The following SLC26A8 variants were observed in gnomAD, a reference collection of about 807,000 sequenced individuals.
SLC26A8 encodes solute carrier family 26 member 8, also known as testis anion transporter 1.
In SLC26A8, 70 loss-of-function variants were observed where a neutral mutation model predicts 105.0. The ratio of observed to expected loss-of-function variants is 0.67; its 90% CI spans 0.55 to 0.81. SLC26A8 has a LOEUF of 0.81. SLC26A8 is among the 40% of genes least tolerant of loss of function. The pLI, the probability that SLC26A8 is intolerant of heterozygous loss-of-function variation, is 0.00. For missense variants in SLC26A8, 998 were observed against 1,181.8 expected (o/e 0.84, Z 2.28); for synonymous variants, 415 against 438.3 (o/e 0.95, Z 0.66).
chr6:35,945,198 A>G (rs1036314826), intron 19 of SLC26A8, among the ~76,000 whole-genome samples: 16 of 152,164 alleles, frequency 1.1e-4, no homozygotes, highest in Admixed American at 4.6e-4. Context: ...TAAAATGCCA[A>G]TGACATCATC....
chr6:35,991,057 C>A (rs1215838633), intron 7 of SLC26A8, among the ~76,000 whole-genome samples: 1 of 152,014 alleles, frequency 6.6e-6, no homozygotes, highest in Non-Finnish European at 1.5e-5. Context: ...TAAATGTTCT[C>A]ACAACAAAAA....
chr6:35,975,388 C>T lies in SLC26A8; in HGVS notation c.1274G>A (p.Gly425Glu), dbSNP rs759754981. Residue 425 changes from glycine to glutamate, a missense_variant, in exon 10 of 20, where the codon GGA (glycine) becomes GAA (glutamate). Transcript: ENST00000490799. ...ATTTCAACATACCTGTTGTCTTCCT[C>T]CAGATTTATCCTGGATAATAGTCCT... ...IARTIIQDKS[G>E]GRQQFASLVG... 6.2e-7 allele frequency: 1 copy of T among 1,602,226 alleles called. No homozygotes were observed. The highest frequency in any genetic ancestry group is 1.7e-5 in the Admixed American group (1 of 58,402).
At chr6:36,007,806 T>G (rs1257544614) in intron 3 of SLC26A8, among the ~76,000 whole-genome samples, 4 of 152,032 alleles carry the variant, frequency 2.6e-5, no homozygotes, top group African/African-American at 9.7e-5. Flanking sequence ...CAAAAACAAT[T>G]CACTGGAGGA....
intron 11 of SLC26A8, among the ~76,000 whole-genome samples, chr6:35,967,769 A>AT (rs1159156723): frequency 6.6e-6 from 1 of 152,186 alleles, no homozygotes; most frequent in East Asian, 1.9e-4. Flanking sequence ...TATTTTGGTC[A>AT]TTTTTCACTG....
At chr6:35,948,069 A>G (rs1233132959) in intron 19 of SLC26A8, among the ~76,000 whole-genome samples, 1 of 152,242 alleles carries the variant, frequency 6.6e-6, no homozygotes, top group East Asian at 1.9e-4. Context: ...AGAAGAATGA[A>G]TACTATAAAG....
At position 35,997,816 on chromosome 6, in the gene SLC26A8, C is replaced by T. The variant is rs1221294843; in HGVS notation, c.549G>A (p.Ser183=). ...VMGSFVKNEF[S]APSYLMGYNK... is the part of the protein sequence containing the mutation. ...TATAGCCCATAAGGTAGGAGGGGGCCGAAAACTCATTCTTGACGAAAGATC... is the reference window on the plus strand; with the variant it reads ...TATAGCCCATAAGGTAGGAGGGGGCTGAAAACTCATTCTTGACGAAAGATC... Residue 183 remains serine, a synonymous_variant, in exon 5 of 20, where the codon TCG becomes TCA. Coordinates refer to ENST00000490799, the MANE Select transcript of SLC26A8 (RefSeq NM_052961.4). 3.7e-6 allele frequency: 6 copies of T among 1,613,910 alleles called. No individual in the cohort carries two copies. In the African/African-American group the frequency reaches 5.3e-5, roughly 14 times the overall value.
intron 7 of SLC26A8, among the ~76,000 whole-genome samples, chr6:35,983,072 C>G (rs1306743144): frequency 6.6e-6 from 1 of 152,200 alleles, no homozygotes; most frequent in Non-Finnish European, 1.5e-5. Context: ...CCCATTCTTC[C>G]TACTAACACA....
rs900452700 is a variant in SLC26A8 at position 36,024,602 on chromosome 6, G to A, written c.-101C>T. On this transcript the variant is annotated 5_prime_UTR_variant, in exon 1 of 20. Transcript: ENST00000490799. Reference sequence around the variant, plus strand: ...GACGCGGATACCGGCGGCGGTTCCCGAGCCGTTGTGGCCTAGCCCGCGGGC... The same window carrying A: ...GACGCGGATACCGGCGGCGGTTCCCAAGCCGTTGTGGCCTAGCCCGCGGGC... 2.7e-6 allele frequency: 1 copy of A among 373,600 alleles called. No individual in the cohort carries two copies. The highest frequency in any genetic ancestry group is 2.0e-5 in the South Asian group (1 of 50,456). 23.1% of individuals were successfully genotyped at this position (373,600 alleles called of 1,614,324 possible). A position where few individuals can be genotyped will look rare whatever the true frequency, so the allele number is the denominator to read the frequency against.
intron 2 of SLC26A8, among the ~76,000 whole-genome samples, chr6:36,017,483 T>C (rs1002254306): frequency 3.1e-4 from 47 of 152,028 alleles, no homozygotes; most frequent in African/African-American, 9.9e-4. Context: ...AATACAAAAA[T>C]TAGCTGGGCG....
intron 8 of SLC26A8, among the ~76,000 whole-genome samples, chr6:35,977,793 G>A (rs909471212): frequency 1.8e-4 from 28 of 152,078 alleles, no homozygotes; most frequent in African/African-American, 6.7e-4. Flanking sequence ...GGCTGGGTGC[G>A]GTGGCATATG....
rs1352555119 is a variant in SLC26A8 at position 35,975,413 on chromosome 6, T to C, written c.1249A>G (p.Arg417Gly). ...RSCVFTGAIARTIIQDKSGGR... is the reference protein window; with the variant it reads ...RSCVFTGAIAGTIIQDKSGGR... ...CCAGATTTATCCTGGATAATAGTCC[T>C]AGCAATAGCACCAGTAAACACACAA... is the stretch of plus-strand genomic sequence containing the variant. Residue 417 changes from arginine (R) to glycine (G), a missense_variant, in exon 10 of 20, where the codon AGG (arginine) becomes GGG (glycine). Coordinates refer to ENST00000490799, the MANE Select transcript of SLC26A8 (RefSeq NM_052961.4). 1.2e-6 allele frequency: 2 copies of C among 1,613,386 alleles called. No individual in the cohort carries two copies. The highest frequency in any genetic ancestry group is 1.1e-5 in the South Asian group (1 of 91,042).
chr6:36,017,210 G>GA (rs1554168862), intron 2 of SLC26A8, among the ~76,000 whole-genome samples: 2 of 28,788 alleles, frequency 6.9e-5, no homozygotes, highest in Non-Finnish European at 1.6e-4. Flanking sequence ...AGGAAGGAAG[G>GA]AGAAAAGAAA....
chr6:35,982,641 G>A (rs114456757), intron 7 of SLC26A8, among the ~76,000 whole-genome samples: 2,098 of 152,178 alleles, frequency 0.014, 49 homozygotes, highest in African/African-American at 0.047. Context: ...CAGGAAGTGG[G>A]GAATCTCCCC....
chr6:36,017,628 G>A (rs532687274), intron 2 of SLC26A8, among the ~76,000 whole-genome samples: 6 of 111,702 alleles, frequency 5.4e-5, no homozygotes, highest in East Asian at 2.1e-4. Flanking sequence ...GTGAAATTCC[G>A]TCTCAACAAA....
chr6:35,967,716 C>T (rs1190310318), intron 11 of SLC26A8, among the ~76,000 whole-genome samples: 1 of 152,150 alleles, frequency 6.6e-6, no homozygotes, highest in Non-Finnish European at 1.5e-5. Flanking sequence ...GGCATGAATG[C>T]ACAGTGAGTT....
At chr6:35,960,663 C>CA (rs924784404) in intron 14 of SLC26A8, 180 bp downstream of exon 14, 37,281 of 436,722 alleles carry the variant, frequency 0.085, 30 homozygotes, top group South Asian at 0.099. Flanking sequence ...ACTCTGTCTC[C>CA]AAAAAAAAAA....
chr6:35,992,782 G>A (rs997417164), intron 5 of SLC26A8, 108 bp from the exon 6 acceptor site: 43 of 1,141,224 alleles, frequency 3.8e-5, no homozygotes, highest in Non-Finnish European at 5.1e-5. Context: ...GTTAAGATAG[G>A]CCCCTTTGGT....
At chr6:35,995,130 G>GT (rs1165829086) in intron 5 of SLC26A8, among the ~76,000 whole-genome samples, 3 of 152,202 alleles carry the variant, frequency 2.0e-5, no homozygotes, top group Non-Finnish European at 2.9e-5. Flanking sequence ...TGTGAAAATA[G>GT]TGACAAATAT....
At chr6:35,974,135 T>C (rs1270197168) in intron 10 of SLC26A8, among the ~76,000 whole-genome samples, 3 of 152,034 alleles carry the variant, frequency 2.0e-5, no homozygotes, top group Non-Finnish European at 4.4e-5. Context: ...CTGGCCAACA[T>C]AGTAAAACCC....
Sources: gnomAD v4.1 joint callset for allele counts (sites outside exome capture counted in the v4.1 genomes callset) on GRCh38, gnomAD v4.1.1 for gene constraint, MANE v1.5 for transcripts, NCBI Gene and HGNC (gene_info 2026-07-23, HGNC 2026-07-21) for gene names.